PRKN: variants seen among roughly 807,000 people sequenced by gnomAD.
PRKN encodes parkin RBR E3 ubiquitin protein ligase, also known as E3 ubiquitin-protein ligase parkin.
A neutral mutation model predicts 59.5 loss-of-function variants in PRKN; 56 were observed. The observed-to-expected ratio is 0.94, with a 90% CI of 0.76 to 1.18. The LOEUF is 1.18. Among genes scored for constraint, PRKN ranks in the 50% most tolerant of loss-of-function variants. The probability of loss-of-function intolerance (pLI) is 0.00; values close to 1 mark genes in which losing one functional copy is unlikely to be tolerated. For missense variants in PRKN, 657 were observed against 596.4 expected, an observed-to-expected ratio of 1.10 and a Z score of -1.06; for synonymous variants, 250 against 222.1, an observed-to-expected ratio of 1.13 and a Z score of -1.12.
chr6:162,342,722 C>T (rs1033678368), intron 2 of PRKN, among the ~76,000 whole-genome samples: 2 of 152,054 alleles, frequency 1.3e-5, no homozygotes, highest in Admixed American at 6.6e-5. Context: ...TGTCATTTGC[C>T]GCATGACACA....
intron 6 of PRKN, among the ~76,000 whole-genome samples, chr6:161,842,560 C>CTTT (rs1455918960): frequency 1.1e-4 from 17 of 151,408 alleles, no homozygotes; most frequent in Non-Finnish European, 2.4e-4. Flanking sequence ...TCTTCCTTCT[C>CTTT]TTTTTTTTCT....
chr6:162,692,834 A>C (rs890750260), intron 1 of PRKN, among the ~76,000 whole-genome samples: 10 of 152,072 alleles, frequency 6.6e-5, no homozygotes, highest in Non-Finnish European at 1.5e-4. Flanking sequence ...AGATTTTATG[A>C]TTTCTATGAG....
intron 6 of PRKN, among the ~76,000 whole-genome samples, chr6:161,883,638 T>C (rs1412679369): frequency 6.6e-6 from 1 of 152,084 alleles, no homozygotes; most frequent in African/African-American, 2.4e-5. Flanking sequence ...GATTTTTTAT[T>C]AATTTATTTT....
At position 162,235,943 on chromosome 6, in the gene PRKN, AAGG is replaced by A. The variant is rs1450819572; in HGVS notation, c.412+26579_412+26581del. On this transcript the variant is annotated intron_variant, in intron 3 of 11. Coordinates refer to ENST00000366898, the MANE Select transcript of PRKN (RefSeq NM_004562.3). ...GAAGGAAGGAAGGAAGGAAGGAAGG[AAGG>A]AAGGAAGAAAGGAAGAAAGAAAGAA... Among the ~76,000 whole-genome samples the A allele has an allele frequency of 5.1e-3, 498 of 96,954 alleles. 2 individuals carry two copies. The highest frequency in any genetic ancestry group is 0.012 in the African/African-American group (220 of 18,446). The allele number at this position is 96,954 out of a possible 152,430, so 63.6% of individuals were successfully genotyped here.
intron 4 of PRKN, among the ~76,000 whole-genome samples, chr6:162,120,721 G>A (rs974269862): frequency 6.6e-6 from 1 of 152,294 alleles, no homozygotes; most frequent in African/African-American, 2.4e-5. Flanking sequence ...CCTGGTGTGA[G>A]CGATATTAAA....
intron 6 of PRKN, among the ~76,000 whole-genome samples, chr6:161,876,105 T>C (rs1320900024): frequency 6.6e-6 from 1 of 152,146 alleles, no homozygotes; most frequent in African/African-American, 2.4e-5. Context: ...AAGACACATA[T>C]CTTATGTCAT....
intron 7 of PRKN, among the ~76,000 whole-genome samples, chr6:161,733,574 T>C (rs953760723): frequency 6.6e-6 from 1 of 151,934 alleles, no homozygotes; most frequent in African/African-American, 2.4e-5. Context: ...TTCTCAAGAT[T>C]TGTCATGACA....
At chr6:162,654,009 G>A (rs938560698) in intron 1 of PRKN, among the ~76,000 whole-genome samples, 2 of 152,094 alleles carry the variant, frequency 1.3e-5, no homozygotes, top group Non-Finnish European at 2.9e-5. Flanking sequence ...GAGGACTTTA[G>A]GTACTTCACA....
intron 1 of PRKN, among the ~76,000 whole-genome samples, chr6:162,621,002 G>A (rs1487803458): frequency 1.1e-4 from 16 of 152,198 alleles, no homozygotes; most frequent in Admixed American, 1.0e-3. Context: ...AAAACATAAT[G>A]TTAGCCTGGT....
intron 7 of PRKN, among the ~76,000 whole-genome samples, chr6:161,605,517 T>C (rs867755282): frequency 0.084 from 12,653 of 150,234 alleles, 1,806 homozygotes; most frequent in African/African-American, 0.29. Flanking sequence ...CCTCTCTCTT[T>C]TTTTTTTTTT....
chr6:162,460,034 G>T (rs1791079160), intron 1 of PRKN, among the ~76,000 whole-genome samples: 3 of 152,122 alleles, frequency 2.0e-5, no homozygotes, highest in Non-Finnish European at 4.4e-5. Context: ...TGATAGAAAT[G>T]AAAAATATGT....
chr6:161,801,443 T>A (rs977621953), intron 6 of PRKN, among the ~76,000 whole-genome samples: 11 of 152,184 alleles, frequency 7.2e-5, no homozygotes, highest in Admixed American at 3.3e-4. Flanking sequence ...ATCACAGCCA[T>A]GGGAGCGGGT....
intron 6 of PRKN, among the ~76,000 whole-genome samples, chr6:161,904,698 C>T (rs1778078583): frequency 6.6e-6 from 1 of 152,114 alleles, no homozygotes; most frequent in African/African-American, 2.4e-5. Context: ...TTGGGATGTG[C>T]CAAGTCGCAG....
intron 4 of PRKN, among the ~76,000 whole-genome samples, chr6:162,176,575 A>T (rs746386970): frequency 4.7e-5 from 7 of 148,700 alleles, no homozygotes; most frequent in Non-Finnish European, 1.0e-4. Context: ...AGGAAATTTC[A>T]GGCCAATTAA....
intron 9 of PRKN, among the ~76,000 whole-genome samples, chr6:161,534,783 C>G (rs988538368): frequency 6.6e-6 from 1 of 152,194 alleles, no homozygotes; most frequent in African/African-American, 2.4e-5. Flanking sequence ...AAACAATTTT[C>G]CCCTACAAGT....
chr6:162,259,898 A>C (rs561642477), intron 3 of PRKN, among the ~76,000 whole-genome samples: 1 of 152,310 alleles, frequency 6.6e-6, no homozygotes, highest in South Asian at 2.1e-4. Context: ...GCAAGTAATA[A>C]GGGAGAGTCC....
intron 5 of PRKN, among the ~76,000 whole-genome samples, chr6:162,037,554 T>C (rs1375971241): frequency 6.6e-6 from 1 of 151,988 alleles, no homozygotes; most frequent in Non-Finnish European, 1.5e-5. Flanking sequence ...CTTTTTTTTT[T>C]TTTTTGGTTT....
intron 1 of PRKN, among the ~76,000 whole-genome samples, 157 bp downstream of exon 1, chr6:162,727,505 T>C (rs1210202659): frequency 1.3e-5 from 2 of 148,442 alleles, no homozygotes; most frequent in East Asian, 4.4e-4. Flanking sequence ...GTCGCTGAGC[T>C]GGGGAGCCCG....
At chr6:162,596,893 G>A (rs73595943) in intron 1 of PRKN, among the ~76,000 whole-genome samples, 3,142 of 152,206 alleles carry the variant, frequency 0.021, 110 homozygotes, top group African/African-American at 0.07. Flanking sequence ...TGGGGAATCC[G>A]ATCCCCGCCA....
Sources: gnomAD v4.1 joint callset for allele counts (sites outside exome capture counted in the v4.1 genomes callset) on GRCh38, gnomAD v4.1.1 for gene constraint, MANE v1.5 for transcripts, NCBI Gene and HGNC (gene_info 2026-07-23, HGNC 2026-07-21) for gene names.